Variants in GABRG3 observed in about 807,000 individuals in gnomAD.
GABRG3 encodes the protein gamma-aminobutyric acid receptor subunit gamma-3.
In GABRG3, 25 loss-of-function variants were observed where a neutral mutation model predicts 48.8. The ratio of observed to expected loss-of-function variants is 0.51; its 90% CI spans 0.37 to 0.72. The LOEUF is 0.72. Among genes scored for constraint, GABRG3 ranks in the 30% least tolerant of loss-of-function variants. The pLI is 0.00. For synonymous variants in GABRG3, 227 were observed against 217.6 expected (o/e 1.04, Z -0.38); for missense variants, 394 against 577.9 (o/e 0.68, Z 3.26).
intron 3 of GABRG3, among the ~76,000 whole-genome samples, chr15:27,316,652 G>T (rs62001307): frequency 0.43 from 65,100 of 152,048 alleles, 16,571 homozygotes; most frequent in Non-Finnish European, 0.58. Flanking sequence ...CATTTTTTAT[G>T]TGGGGGAAAT....
At position 27,539,287 on chromosome 15, in the gene GABRG3, G is replaced by C. The variant is rs1249196072; in HGVS notation, c.*6406G>C. The C allele has an allele frequency of 6.6e-6, 1 of 152,174 alleles. No individual in the cohort carries two copies. Among genetic ancestry groups the C allele is most frequent in the African/African-American group, 2.4e-5 (1 of 41,448 alleles). 9.4% of individuals were successfully genotyped at this position (152,174 alleles called of 1,614,324 possible). On this transcript the variant is annotated 3_prime_UTR_variant, in exon 10 of 10. Coordinates refer to ENST00000615808, the MANE Select transcript of GABRG3 (RefSeq NM_033223.5). The stretch of plus-strand genomic sequence containing the variant: ...GCAGGTGGAATCGCTCCTGGCAAGG[G>C]CATGACCGTGCACAGGCTGACATGA...
rs1019935523 is a variant in GABRG3, at chr15:27,319,622, C to G, written c.271-7187C>G. ...ATGGCAGACAGGAGGATGGAGAGGACTGGACGAGGCTGGATAAGAGGGTGT... is the reference window on the plus strand; with the variant it reads ...ATGGCAGACAGGAGGATGGAGAGGAGTGGACGAGGCTGGATAAGAGGGTGT... On this transcript the variant is annotated intron_variant, in intron 3 of 9. Coordinates refer to ENST00000615808, the MANE Select transcript of GABRG3 (RefSeq NM_033223.5). The surrounding 1 kb of genome is among the most constrained non-coding windows in gnomAD (Gnocchi z 4.4). Among the ~76,000 whole-genome samples, 2 of 152,090 alleles carry G rather than the reference C, an allele frequency of 1.3e-5. No individual in the cohort carries two copies. Among genetic ancestry groups the G allele is most frequent in the Non-Finnish European group, 2.9e-5 (2 of 68,028 alleles).
intron 3 of GABRG3, among the ~76,000 whole-genome samples, chr15:27,054,331 G>C (rs1459824943): frequency 6.6e-6 from 1 of 152,120 alleles, no homozygotes. Flanking sequence ...CTACCTGGGA[G>C]ATGGGACCGA....
intron 5 of GABRG3, among the ~76,000 whole-genome samples, chr15:27,346,084 G>T: frequency 9.3e-5 from 2 of 21,490 alleles, no homozygotes; most frequent in Non-Finnish European, 1.8e-4. Context: ...AAAGAAGAGA[G>T]AGAAAGAAAG....
At chr15:27,372,636 C>G (rs889285640) in intron 5 of GABRG3, among the ~76,000 whole-genome samples, 4 of 152,176 alleles carry the variant, frequency 2.6e-5, no homozygotes, top group Non-Finnish European at 5.9e-5. Context: ...AAGTGATCCT[C>G]TTGCCTTGGC....
intron 3 of GABRG3, among the ~76,000 whole-genome samples, chr15:27,157,222 C>A (rs1008903869): frequency 1.4e-4 from 21 of 152,144 alleles, no homozygotes; most frequent in Admixed American, 1.1e-3. Context: ...AGACTGAATT[C>A]TTTTTAAAAA....
At chr15:27,301,257 T>G (rs1456694217) in intron 3 of GABRG3, among the ~76,000 whole-genome samples, 1 of 152,192 alleles carries the variant, frequency 6.6e-6, no homozygotes, top group African/African-American at 2.4e-5. Context: ...AATTTAGTTT[T>G]GCTTTATTTT....
intron 3 of GABRG3, among the ~76,000 whole-genome samples, chr15:27,072,040 A>G (rs1423919366): frequency 6.6e-6 from 1 of 152,178 alleles, no homozygotes; most frequent in Non-Finnish European, 1.5e-5. Flanking sequence ...TAGCTATTGC[A>G]GTTCCTACAG....
At position 27,352,478 on chromosome 15, in the gene GABRG3, C is replaced by T. The variant is rs947187995; in HGVS notation, c.574+23590C>T. 3.3e-5 allele frequency among the ~76,000 whole-genome samples: 5 copies of T among 151,938 alleles called. No individual in the cohort carries two copies. Among genetic ancestry groups the T allele is most frequent in the South Asian group, 2.1e-4 (1 of 4,820 alleles). ...CAGATTGATAGTCTTCTAATTAGTA[C>T]GAAAAAGATTCGAGAATTGGATCCT... On this transcript the variant is annotated intron_variant, in intron 5 of 9. Coordinates refer to ENST00000615808, the MANE Select transcript of GABRG3 (RefSeq NM_033223.5). The surrounding 1 kb of genome is among the most constrained non-coding windows in gnomAD (Gnocchi z 4.0).
chr15:27,090,535 C>T (rs933713875), intron 3 of GABRG3, among the ~76,000 whole-genome samples: 3 of 152,112 alleles, frequency 2.0e-5, no homozygotes, highest in African/African-American at 7.2e-5. Flanking sequence ...TCCTCCACAT[C>T]CTCTACAACA....
chr15:27,398,714 A>G (rs913074914), intron 5 of GABRG3, among the ~76,000 whole-genome samples: 8 of 151,788 alleles, frequency 5.3e-5, no homozygotes, highest in African/African-American at 1.7e-4. Flanking sequence ...ACAATGAAAG[A>G]CATTGTATAA....
rs1895283229 is a variant in GABRG3, at chr15:26,993,400, G to T, written c.202+16250G>T. The stretch of plus-strand genomic sequence containing the variant: ...TGTTTCCCATAGACTTTGGTATGTT[G>T]TGTTTCCATTATCATTTGATTCAAG... On this transcript the variant is annotated intron_variant, in intron 2 of 9. Coordinates refer to ENST00000615808, the MANE Select transcript of GABRG3 (RefSeq NM_033223.5). 4.6e-5 allele frequency among the ~76,000 whole-genome samples: 7 copies of T among 151,842 alleles called. No homozygotes were observed. The South Asian group carries it at 1.5e-3, about 31-fold the overall frequency.
chr15:27,360,038 A>G (rs1169942051), intron 5 of GABRG3, among the ~76,000 whole-genome samples: 3 of 152,294 alleles, frequency 2.0e-5, no homozygotes, highest in South Asian at 2.1e-4. Flanking sequence ...CCAGCCTCCA[A>G]GAGTCAGAAG....
chr15:27,173,145 A>G (rs1256179949), intron 3 of GABRG3, among the ~76,000 whole-genome samples: 1 of 152,160 alleles, frequency 6.6e-6, no homozygotes, highest in Non-Finnish European at 1.5e-5. Context: ...GTGCATCTTA[A>G]CACTCCATTC....
intron 2 of GABRG3, among the ~76,000 whole-genome samples, chr15:26,998,943 G>A (rs1028314727): frequency 2.6e-5 from 4 of 151,778 alleles, no homozygotes; most frequent in East Asian, 1.9e-4. Context: ...ATGTTTTTCC[G>A]TTAAATGGGT....
rs79070983 is a variant in GABRG3 at position 27,073,321 on chromosome 15, T to C, written c.270+46500T>C. Among the ~76,000 whole-genome samples, 575 of 152,308 alleles carry C rather than the reference T, an allele frequency of 3.8e-3. 13 individuals are homozygous for C. The East Asian group carries it at 0.05, about 13-fold the overall frequency. ...CTGTACTTCTGCAAGGTCTTTCTTG[T>C]CCATGGTCCTCCAGGACCTCCAGTG... On this transcript the variant is annotated intron_variant, in intron 3 of 9. Coordinates refer to ENST00000615808, the MANE Select transcript of GABRG3 (RefSeq NM_033223.5).
chr15:27,136,205 T>C (rs575810064), intron 3 of GABRG3, among the ~76,000 whole-genome samples: 1 of 152,334 alleles, frequency 6.6e-6, no homozygotes, highest in Admixed American at 6.5e-5. Flanking sequence ...TTTTATTCTT[T>C]TTAAGGCTCT....
chr15:27,121,071 G>C (rs149847480), intron 3 of GABRG3, among the ~76,000 whole-genome samples: 1 of 152,250 alleles, frequency 6.6e-6, no homozygotes, highest in Non-Finnish European at 1.5e-5. Flanking sequence ...TTTTCACTTC[G>C]TTTATTATCT....
At chr15:27,061,893 C>T (rs1264983175) in intron 3 of GABRG3, among the ~76,000 whole-genome samples, 1 of 152,200 alleles carries the variant, frequency 6.6e-6, no homozygotes, top group East Asian at 1.9e-4. Flanking sequence ...ACTGCCTGCC[C>T]TCTGCTCTGG....
Sources: gnomAD v4.1 joint callset for allele counts (sites outside exome capture counted in the v4.1 genomes callset) on GRCh38, gnomAD v4.1.1 for gene constraint, Gnocchi (gnomAD v3.1) non-coding constraint, MANE v1.5 for transcripts, NCBI Gene and HGNC (gene_info 2026-07-23, HGNC 2026-07-21) for gene names.